BSN: variants seen among roughly 807,000 people sequenced by gnomAD.
The protein encoded by BSN is protein bassoon.
BSN carries 57 observed loss-of-function variants against 264.8 expected under a neutral mutation model. The ratio of observed to expected loss-of-function variants is 0.22; its 90% CI spans 0.17 to 0.27. The LOEUF (loss-of-function observed/expected upper bound fraction) is 0.27, where lower values mean the gene tolerates loss of function less well. Ranked by LOEUF, BSN falls within the 10% of genes least tolerant of loss-of-function variation. The pLI is 1.00. For synonymous variants in BSN, 2,059 were observed against 2,137.3 expected (o/e 0.96, Z 1.01); for missense variants, 4,615 against 5,232.5 (o/e 0.88, Z 3.64).
At position 49,651,422 on chromosome 3, in the gene BSN, C is replaced by A; in HGVS notation, c.1987-121C>A. On this transcript the variant is annotated intron_variant, in intron 4 of 11. Coordinates refer to ENST00000296452, the MANE Select transcript of BSN (RefSeq NM_003458.4). The surrounding 1 kb of genome is among the most constrained non-coding windows in gnomAD (Gnocchi z 5.4). ...AGAAGGAGATAGGGTGGGTGGCGGG[C>A]CCTAAACCCTTGGGAAATGGACAGA... 8.8e-7 allele frequency: 1 copy of A among 1,134,820 alleles called. No individual in the cohort carries two copies. The highest frequency in any genetic ancestry group is 1.2e-6 in the Non-Finnish European group (1 of 804,462). The allele number at this position is 1,134,820 out of a possible 1,614,324, so 70.3% of individuals were successfully genotyped here. A position where few individuals can be genotyped will look rare whatever the true frequency, so the allele number is the denominator to read the frequency against.
At chr3:49,555,790 G>T (rs1425750546) in intron 1 of BSN, among the ~76,000 whole-genome samples, 1 of 152,204 alleles carries the variant, frequency 6.6e-6, no homozygotes, top group Non-Finnish European at 1.5e-5. Context: ...ACCCCCAGGG[G>T]GTGGGAGGGA....
chr3:49,607,717 C>G (rs1004679442), intron 1 of BSN, among the ~76,000 whole-genome samples: 1 of 152,208 alleles, frequency 6.6e-6, no homozygotes, highest in East Asian at 1.9e-4. Context: ...TTAATGCTCT[C>G]AATGTGTGAA....
chr3:49,577,444 G>T (rs1035915300), intron 1 of BSN, among the ~76,000 whole-genome samples: 146 of 152,314 alleles, frequency 9.6e-4, no homozygotes, highest in Non-Finnish European at 1.1e-3. Flanking sequence ...TGAGAGCAGG[G>T]CTTGGAGGCC....
At chr3:49,566,088 G>A (rs1423275526) in intron 1 of BSN, among the ~76,000 whole-genome samples, 2 of 152,206 alleles carry the variant, frequency 1.3e-5, no homozygotes, top group Non-Finnish European at 2.9e-5. Flanking sequence ...GCCTCCCAAA[G>A]TGTTGGGATT....
intron 1 of BSN, among the ~76,000 whole-genome samples, chr3:49,606,072 A>T (rs1575435674): frequency 1.2e-5 from 1 of 85,680 alleles, no homozygotes; most frequent in African/African-American, 5.1e-5. Context: ...TATATTATAT[A>T]AAAATATATA....
rs1188054669 is a variant in BSN at position 49,654,914 on chromosome 3, C to T, written c.5358C>T (p.Tyr1786=). Residue 1786 remains tyrosine (Y), a synonymous_variant, in exon 5 of 12, where the codon TAC becomes TAT. Coordinates refer to ENST00000296452, the MANE Select transcript of BSN (RefSeq NM_003458.4). The surrounding 1 kb of genome is among the most constrained non-coding windows in gnomAD (Gnocchi z 4.1). Reference sequence around the variant, plus strand: ...AGCAGGCTGTCCAGACAGCCCCATACCGAAGTGGGCCCCGGGGAAGACCCA... The same window carrying T: ...AGCAGGCTGTCCAGACAGCCCCATATCGAAGTGGGCCCCGGGGAAGACCCA... ...QVEQAVQTAP[Y]RSGPRGRPRE... is the part of the protein sequence containing the mutation. 1 of 1,612,236 alleles carries T rather than the reference C, an allele frequency of 6.2e-7. No individual in the cohort carries two copies. Among genetic ancestry groups the T allele is most frequent in the Admixed American group, 1.7e-5 (1 of 59,938 alleles).
rs1296549601 is a variant in BSN, at chr3:49,651,421, GC to G, written c.1987-119del. 31 of 1,116,562 alleles carry G rather than the reference GC, an allele frequency of 2.8e-5. No individual in the cohort carries two copies. In the African/African-American group the frequency reaches 4.7e-4, roughly 17 times the overall value. The allele number at this position is 1,116,562 out of a possible 1,614,324, so 69.2% of individuals were successfully genotyped here. ...CAGAAGGAGATAGGGTGGGTGGCGGGCCCTAAACCCTTGGGAAATGGACAGA... is the reference window on the plus strand; with the variant it reads ...CAGAAGGAGATAGGGTGGGTGGCGGGCCTAAACCCTTGGGAAATGGACAGA... On this transcript the variant is annotated intron_variant, in intron 4 of 11. Coordinates refer to ENST00000296452, the MANE Select transcript of BSN (RefSeq NM_003458.4). This position sits in a 1 kb window ranked among gnomAD's most constrained non-coding sequence, Gnocchi z 5.4.
At chr3:49,606,640 TG>T (rs766846594) in intron 1 of BSN, among the ~76,000 whole-genome samples, 3 of 151,934 alleles carry the variant, frequency 2.0e-5, no homozygotes, top group Non-Finnish European at 4.4e-5. Context: ...CACACACTTG[TG>T]GTGCTCTGGC....
At chr3:49,608,714 G>C (rs1243299230) in intron 1 of BSN, among the ~76,000 whole-genome samples, 2 of 152,016 alleles carry the variant, frequency 1.3e-5, no homozygotes, top group Admixed American at 1.3e-4. Context: ...TGTAATCCCA[G>C]CTACTTGAGA....
Position 49,642,306 on chromosome 3 carries a change from G to T in BSN, c.672G>T (p.Arg224Ser). The T allele has an allele frequency of 6.4e-7, 1 of 1,571,126 alleles. No individual in the cohort carries two copies. Among genetic ancestry groups the T allele is most frequent in the Non-Finnish European group, 8.6e-7 (1 of 1,161,250 alleles). Reference protein sequence around the residue: ...EWLCLNCQMQRALGMDMTTAP... With the variant: ...EWLCLNCQMQSALGMDMTTAP... ...TCTGTCTGAACTGTCAGATGCAGAG[G>T]GCTCTGGGAATGGACATGACCACTG... The change falls in exon 3 of 12, where the codon AGG becomes AGT. Residue 224 changes from arginine (R) to serine (S), a missense_variant. By Grantham distance (110) the Arg-to-Ser change is moderately radical. Around this residue, in one of 3 missense-constraint regions of BSN, gnomAD observed 1,197 missense variants for 1,348.0 expected, o/e 0.89. Transcript: ENST00000296452. The surrounding 1 kb of genome is among the most constrained non-coding windows in gnomAD (Gnocchi z 7.0).
At position 49,638,368 on chromosome 3, in the gene BSN, A is replaced by T. The variant is rs2052435254; in HGVS notation, c.634-3900A>T. 6.6e-6 allele frequency among the ~76,000 whole-genome samples: 1 copy of T among 152,312 alleles called. No homozygotes were observed. The highest frequency in any genetic ancestry group is 1.5e-5 in the Non-Finnish European group (1 of 68,008). On this transcript the variant is annotated intron_variant, in intron 2 of 11. Coordinates refer to ENST00000296452, the MANE Select transcript of BSN (RefSeq NM_003458.4). This position sits in a 1 kb window ranked among gnomAD's most constrained non-coding sequence, Gnocchi z 4.3. ...TCTCCCTACCCCGTGGACAGCCTCCATCCCCCTGAGTGTGGGGATAGGGGC... is the reference window on the plus strand; with the variant it reads ...TCTCCCTACCCCGTGGACAGCCTCCTTCCCCCTGAGTGTGGGGATAGGGGC...
Position 49,625,254 on chromosome 3 carries a change from G to T in BSN, c.504G>T (p.Thr168=), listed in dbSNP as rs376793478. Residue 168 remains threonine (T), a synonymous_variant, in exon 2 of 12, where the codon ACG becomes ACT. Coordinates refer to ENST00000296452, the MANE Select transcript of BSN (RefSeq NM_003458.4). This position sits in a 1 kb window ranked among gnomAD's most constrained non-coding sequence, Gnocchi z 4.4. ...VPQIAPLPSS[T]LCPICKTSDL... ...AGATCGCCCCCCTTCCCAGCAGCAC[G>T]CTGTGTCCCATATGCAAGACTTCGG... is the stretch of plus-strand genomic sequence containing the variant. 6.2e-7 allele frequency: 1 copy of T among 1,601,540 alleles called. No homozygotes were observed. Among genetic ancestry groups the T allele is most frequent in the African/African-American group, 1.3e-5 (1 of 74,386 alleles).
intron 3 of BSN, among the ~76,000 whole-genome samples, chr3:49,646,587 A>T (rs2052504765): frequency 6.6e-6 from 1 of 152,198 alleles, no homozygotes; most frequent in South Asian, 2.1e-4. Context: ...GAACCAGGTG[A>T]GATGCTGTAC....
intron 1 of BSN, among the ~76,000 whole-genome samples, chr3:49,570,582 G>A (rs1412954582): frequency 1.3e-5 from 2 of 152,222 alleles, no homozygotes; most frequent in Non-Finnish European, 2.9e-5. Context: ...GCCCTGGGAA[G>A]ACCATCCAAA....
rs200987266 is a variant in BSN, at chr3:49,652,816, G to A, written c.3260G>A (p.Arg1087Gln). The A allele has an allele frequency of 4.5e-6, 7 of 1,568,916 alleles. No homozygotes were observed. The highest frequency in any genetic ancestry group is 4.5e-5 in the East Asian group (2 of 44,404). The stretch of plus-strand genomic sequence containing the variant: ...GAAGAACTGCGGGCCCAGCGGAGGC[G>A]AGAGCGCTCCAAGACACCACCCAGT... ...DKEELRAQRR[R>Q]ERSKTPPSNL... The change falls in exon 5 of 12, where the codon CGA (arginine) becomes CAA (glutamine). Residue 1087 changes from arginine to glutamine, a missense_variant. Coordinates refer to ENST00000296452, the MANE Select transcript of BSN (RefSeq NM_003458.4).
chr3:49,641,268 C>T (rs2052460364), intron 2 of BSN, among the ~76,000 whole-genome samples: 1 of 152,212 alleles, frequency 6.6e-6, no homozygotes, highest in Non-Finnish European at 1.5e-5. Context: ...TTGACTCCTA[C>T]CATCTATGGA....
At position 49,660,874 on chromosome 3, in the gene BSN, A is replaced by G; in HGVS notation, c.9029A>G (p.Asp3010Gly). The G allele has an allele frequency of 1.2e-6, 2 of 1,613,214 alleles. No individual in the cohort carries two copies. Residue 3010 changes from aspartate (D) to glycine (G), a missense_variant, in exon 6 of 12, where the codon GAC becomes GGC. This residue lies in a region of BSN where 3,415 missense variants were observed against 3,866.4 expected (regional missense o/e 0.88). Transcript: ENST00000296452. This position sits in a 1 kb window ranked among gnomAD's most constrained non-coding sequence, Gnocchi z 7.1. ...PPLRGLGEHR[D>G]YLSDSELNQL... ...TTGCGTGGTCTTGGCGAGCATCGTG[A>G]CTACCTATCGGACAGTGAGCTCAAC...
chr3:49,648,298 T>C (rs943046365), intron 3 of BSN, among the ~76,000 whole-genome samples: 53 of 152,308 alleles, frequency 3.5e-4, no homozygotes, highest in African/African-American at 1.2e-3. Flanking sequence ...AGGGCAGATA[T>C]CCAAACTTTG....
In BSN at chr3:49,653,639, C is replaced by A; in HGVS notation, c.4083C>A (p.Ala1361=). 6.2e-7 allele frequency: 1 copy of A among 1,613,818 alleles called. No individual in the cohort carries two copies. Among genetic ancestry groups the A allele is most frequent in the Non-Finnish European group, 8.5e-7 (1 of 1,179,998 alleles). ...QDPLKLHSSP[A]SPSSASKEIG... is the part of the protein sequence containing the mutation. ...CCCTCAAGCTGCACAGCTCTCCTGC[C>A]TCCCCCAGCTCAGCCTCCAAGGAGA... The change falls in exon 5 of 12, where the codon GCC becomes GCA. Residue 1361 remains alanine, a synonymous_variant. Transcript: ENST00000296452. This position sits in a 1 kb window ranked among gnomAD's most constrained non-coding sequence, Gnocchi z 6.3.
Sources: gnomAD v4.1 joint callset for allele counts (sites outside exome capture counted in the v4.1 genomes callset) on GRCh38, gnomAD v4.1.1 for gene constraint, gnomAD v4.1.1 regional missense constraint, Gnocchi (gnomAD v3.1) non-coding constraint, MANE v1.5 for transcripts, NCBI Gene and HGNC (gene_info 2026-07-23, HGNC 2026-07-21) for gene names.